OR14A2: variants seen among roughly 807,000 people sequenced by gnomAD.
OR14A2 encodes olfactory receptor family 14 subfamily A member 2, also known as olfactory receptor 14A2.
For missense variants in OR14A2, 237 were observed against 152.9 expected (o/e 1.55, Z -2.90); for synonymous variants, 114 against 58.6 (o/e 1.95, Z -4.32).
At chr1:247,728,349 A>G (rs1282471643), upstream of OR14A2, among the ~76,000 whole-genome samples, 1 of 152,140 alleles carries the variant, frequency 6.6e-6, no homozygotes, top group Admixed American at 6.6e-5. Flanking sequence ...TAGATGCAGA[A>G]AAAGGCTTTG....
chr1:247,745,698 G>A, the OR14A2 span, among the ~76,000 whole-genome samples: 1 of 152,008 alleles, frequency 6.6e-6, no homozygotes, highest in Non-Finnish European at 1.5e-5. Flanking sequence ...ATAGGGAAAA[G>A]TTATAAAAAG....
chr1:247,739,633 C>G, the OR14A2 span: 2 of 643,880 alleles, frequency 3.1e-6, no homozygotes, highest in South Asian at 3.8e-5. Context: ...AAAATTATCT[C>G]TATTTTGGGA....
chr1:247,727,893 T>C (rs1381214340), upstream of OR14A2, among the ~76,000 whole-genome samples: 120 of 146,314 alleles, frequency 8.2e-4, no homozygotes, highest in Non-Finnish European at 1.5e-3. Flanking sequence ...AATCTCTGAA[T>C]AGACCAATAA....
At chr1:247,739,432 CTG>C in the OR14A2 span, 6 of 780,780 alleles carry the variant, frequency 7.7e-6, no homozygotes, top group Middle Eastern at 2.3e-4. Flanking sequence ...TTGCTGGTGT[CTG>C]TGTTCTATTC....
the OR14A2 span, among the ~76,000 whole-genome samples, chr1:247,733,285 C>T: frequency 6.6e-6 from 1 of 152,132 alleles, no homozygotes; most frequent in Non-Finnish European, 1.5e-5. Flanking sequence ...ACACTTACCT[C>T]ATTATCAGAA....
the OR14A2 span, among the ~76,000 whole-genome samples, chr1:247,732,331 C>T: frequency 3.3e-5 from 5 of 152,246 alleles, no homozygotes; most frequent in South Asian, 1.0e-3. Context: ...TTGCACATAT[C>T]CCAACACTGA....
chr1:247,726,935 G>A (rs1455986459), upstream of OR14A2, among the ~76,000 whole-genome samples: 3 of 143,304 alleles, frequency 2.1e-5, no homozygotes, highest in African/African-American at 8.7e-5. Flanking sequence ...GGTTACTGTA[G>A]CCTTGTAGTA....
At chr1:247,738,810 T>C in the OR14A2 span, 10 of 780,752 alleles carry the variant, frequency 1.3e-5, no homozygotes, top group Non-Finnish European at 2.4e-5. Context: ...ACATTTGTCC[T>C]TCTTAGACCT....
the OR14A2 span, among the ~76,000 whole-genome samples, chr1:247,745,361 A>G: frequency 6.6e-6 from 1 of 151,380 alleles, no homozygotes; most frequent in Non-Finnish European, 1.5e-5. Context: ...TGCTGAGTGA[A>G]GGGGTTAAAA....
upstream of OR14A2, among the ~76,000 whole-genome samples, chr1:247,726,912 A>T (rs1304242473): frequency 2.1e-5 from 3 of 141,296 alleles, no homozygotes; most frequent in Admixed American, 6.8e-5. Flanking sequence ...TGGTACCAGT[A>T]CCATGCTGTT....
the OR14A2 span, among the ~76,000 whole-genome samples, chr1:247,732,492 AG>A: frequency 6.6e-6 from 1 of 152,118 alleles, no homozygotes; most frequent in Non-Finnish European, 1.5e-5. Context: ...GGAGAAAAGG[AG>A]GGGTCTGAGG....
the OR14A2 span, among the ~76,000 whole-genome samples, chr1:247,737,183 C>T: frequency 1.3e-5 from 2 of 152,088 alleles, no homozygotes; most frequent in East Asian, 3.9e-4. Context: ...GTTAGAGGTA[C>T]GACTGCTCAT....
the OR14A2 span, among the ~76,000 whole-genome samples, chr1:247,743,883 A>G: frequency 1.3e-5 from 2 of 152,120 alleles, no homozygotes; most frequent in Non-Finnish European, 2.9e-5. Flanking sequence ...TATTTTTCTA[A>G]CCTCACGAGA....
At position 247,723,390 on chromosome 1, in the gene OR14A2, A is replaced by G. The variant is rs986276191; in HGVS notation, c.654T>C (p.Tyr218=). The G allele has an allele frequency of 4.3e-5, 31 of 717,492 alleles. No homozygotes were observed. The African/African-American group carries it at 4.4e-4, about 10-fold the overall frequency. The allele number at this position is 717,492 out of a possible 1,614,324, so 44.4% of individuals were successfully genotyped here. Residue 218 remains tyrosine (Y), a synonymous_variant, in exon 1 of 1, where the codon TAT becomes TAC. Coordinates refer to ENST00000366485, the Ensembl canonical transcript of OR14A2. ...GGATCTTCAGTACAGTGGAGAAGAT[A>G]TAAATGTAAGAGATCACAATACAGA...
At chr1:247,740,862 G>A in the OR14A2 span, among the ~76,000 whole-genome samples, 74 of 152,312 alleles carry the variant, frequency 4.9e-4, 1 homozygote, top group Admixed American at 8.5e-4. Context: ...GAGGCAGCAT[G>A]TAATACTGTT....
upstream of OR14A2, among the ~76,000 whole-genome samples, chr1:247,728,929 C>A (rs540461641): frequency 4.7e-4 from 71 of 152,158 alleles, no homozygotes; most frequent in African/African-American, 1.7e-3. Flanking sequence ...TCATAAACTC[C>A]GTGTCAACAT....
At chr1:247,737,924 A>G in the OR14A2 span, among the ~76,000 whole-genome samples, 1 of 152,156 alleles carries the variant, frequency 6.6e-6, no homozygotes, top group African/African-American at 2.4e-5. Flanking sequence ...CATCTGGCTA[A>G]GTCTCAGGTT....
At chr1:247,726,773 C>A (rs1217279787), upstream of OR14A2, among the ~76,000 whole-genome samples, 1 of 134,536 alleles carries the variant, frequency 7.4e-6, no homozygotes, top group Non-Finnish European at 1.6e-5. Flanking sequence ...TTCCCAGCAC[C>A]ATTTATTAAA....
At chr1:247,731,226 A>G in the OR14A2 span, among the ~76,000 whole-genome samples, 1 of 151,984 alleles carries the variant, frequency 6.6e-6, no homozygotes. Context: ...TTTTTGCTGG[A>G]CATGAAATTT....
Sources: allele counts gnomAD v4.1 joint callset (sites outside exome capture counted in the v4.1 genomes callset), GRCh38; gene constraint gnomAD v4.1.1; transcripts MANE v1.5; gene names NCBI Gene and HGNC (gene_info 2026-07-23, HGNC 2026-07-21).